The following PUS10 variants were observed in gnomAD, a reference collection of about 807,000 sequenced individuals.
PUS10 encodes the protein tRNA pseudouridine synthase Pus10.
Under a neutral mutation model 75.0 loss-of-function variants are expected in PUS10, and 59 were observed. That is an observed-to-expected ratio of 0.79 (90% CI 0.64 to 0.98). PUS10 has a LOEUF of 0.98. Among genes scored for constraint, PUS10 ranks in the 50% least tolerant of loss-of-function variants. PUS10 has a pLI of 0.00. For missense variants in PUS10, 650 were observed against 614.4 expected, an observed-to-expected ratio of 1.06 and a Z score of -0.61; for synonymous variants, 219 against 211.6, an observed-to-expected ratio of 1.03 and a Z score of -0.30.
intron 11 of PUS10, among the ~76,000 whole-genome samples, chr2:60,957,543 G>C (rs574476805): frequency 6.6e-6 from 1 of 152,350 alleles, no homozygotes; most frequent in South Asian, 2.1e-4. Context: ...CCAGATAATC[G>C]GCAGAACGTA....
intron 4 of PUS10, among the ~76,000 whole-genome samples, chr2:60,981,065 A>AT (rs954320404): frequency 1.9e-4 from 29 of 151,524 alleles, no homozygotes; most frequent in African/African-American, 6.8e-4. Context: ...TAATTTTTGT[A>AT]TTTTTTTAGT....
intron 4 of PUS10, among the ~76,000 whole-genome samples, chr2:60,977,185 C>T (rs1306893098): frequency 1.3e-5 from 2 of 151,872 alleles, no homozygotes; most frequent in East Asian, 3.9e-4. Flanking sequence ...TCATCTAGTA[C>T]CAAATAATGA....
chr2:61,018,163 A>T lies in PUS10; in HGVS notation c.-171T>A, dbSNP rs1467132390. The T allele has an allele frequency of 2.6e-6, 4 of 1,550,670 alleles. No homozygotes were observed. In the South Asian group the frequency reaches 4.8e-5, roughly 18 times the overall value. ...CCGCTTCTGTTTTCACTTTGACAGA[A>T]TGGCTTCTCTATCTTTAAAGCGTAG... On this transcript the variant is annotated 5_prime_UTR_variant, in exon 1 of 18. Transcript: ENST00000316752.
intron 4 of PUS10, among the ~76,000 whole-genome samples, chr2:60,987,444 GA>G (rs1038220677): frequency 5.3e-5 from 8 of 150,222 alleles, no homozygotes; most frequent in African/African-American, 2.0e-4. Flanking sequence ...GAGAGAGAGA[GA>G]AAAAAAAGGA....
intron 4 of PUS10, among the ~76,000 whole-genome samples, chr2:60,976,101 A>C (rs1677020040): frequency 6.6e-6 from 1 of 152,148 alleles, no homozygotes; most frequent in Admixed American, 6.5e-5. Context: ...ACATGTCCTT[A>C]TATATACAAA....
intron 1 of PUS10, chr2:61,017,427 C>G (rs564585284): frequency 8.5e-6 from 2 of 234,190 alleles, no homozygotes; most frequent in Non-Finnish European, 1.7e-5. Context: ...ACTCCCAGCC[C>G]GACTGGTCCA....
Position 61,006,542 on chromosome 2 carries a change from T to C in PUS10, c.468+15A>G, listed in dbSNP as rs772532093. 13 of 1,588,204 alleles carry C rather than the reference T, an allele frequency of 8.2e-6. No homozygotes were observed. Among genetic ancestry groups the C allele is most frequent in the Non-Finnish European group, 1.0e-5 (12 of 1,158,946 alleles). On this transcript the variant is annotated intron_variant, in intron 4 of 17. Coordinates refer to ENST00000316752, the MANE Select transcript of PUS10 (RefSeq NM_144709.4). ...TGCACTTCACATACAGTTTTATGCA[T>C]GCAAATGACCTTACCTCTCTTACAG... is the stretch of plus-strand genomic sequence containing the variant.
At chr2:60,977,818 C>T (rs1231400221) in intron 4 of PUS10, among the ~76,000 whole-genome samples, 1 of 152,126 alleles carries the variant, frequency 6.6e-6, no homozygotes, top group Non-Finnish European at 1.5e-5. Flanking sequence ...AAGGTGGCTT[C>T]TCTCTCTGGG....
intron 16 of PUS10, among the ~76,000 whole-genome samples, chr2:60,946,613 T>A (rs114682365): frequency 3.3e-5 from 5 of 152,348 alleles, no homozygotes; most frequent in Non-Finnish European, 7.3e-5. Flanking sequence ...CACTGGAGTC[T>A]AAATTGATCA....
chr2:60,970,477 T>C (rs1437915164), intron 5 of PUS10, among the ~76,000 whole-genome samples: 1 of 152,214 alleles, frequency 6.6e-6, no homozygotes, highest in Non-Finnish European at 1.5e-5. Context: ...TATGTTTTAG[T>C]TTCAAATGCC....
chr2:60,977,896 A>T (rs901038968), intron 4 of PUS10, among the ~76,000 whole-genome samples: 8 of 152,220 alleles, frequency 5.3e-5, no homozygotes, highest in Admixed American at 1.3e-4. Flanking sequence ...TGAGATTGCA[A>T]TTGAGAATGC....
At chr2:61,010,765 T>C (rs1312166921) in intron 2 of PUS10, 5 of 1,549,210 alleles carry the variant, frequency 3.2e-6, no homozygotes, top group Admixed American at 3.9e-5. Context: ...TTCAAATCCA[T>C]GTCTTCTAGT....
At position 61,014,835 on chromosome 2, in the gene PUS10, G is replaced by A. The variant is rs78588517; in HGVS notation, c.-15-2930C>T. The stretch of plus-strand genomic sequence containing the variant: ...TAAAGACGTGATTCTTCTAGTCTGC[G>A]TTTTCCAAACCTCTAAAACTTCCTA... On this transcript the variant is annotated intron_variant, in intron 1 of 17. Coordinates refer to ENST00000316752, the MANE Select transcript of PUS10 (RefSeq NM_144709.4). Among the ~76,000 whole-genome samples, 1,450 of 152,272 alleles carry A rather than the reference G, an allele frequency of 9.5e-3. 32 individuals are homozygous for A. The highest frequency in any genetic ancestry group is 0.033 in the African/African-American group (1,364 of 41,548).
intron 15 of PUS10, among the ~76,000 whole-genome samples, chr2:60,951,254 C>CA (rs1187331413): frequency 6.6e-6 from 1 of 152,106 alleles, no homozygotes; most frequent in East Asian, 1.9e-4. Flanking sequence ...CAGCAGTCCC[C>CA]AACCTTTTTG....
At chr2:61,014,176 C>G (rs536130382) in intron 1 of PUS10, among the ~76,000 whole-genome samples, 15 of 152,236 alleles carry the variant, frequency 9.9e-5, no homozygotes, top group African/African-American at 3.4e-4. Context: ...GAGTTTGAGA[C>G]CAGCCTGGCC....
At chr2:60,980,966 A>C (rs1677351417) in intron 4 of PUS10, among the ~76,000 whole-genome samples, 1 of 152,118 alleles carries the variant, frequency 6.6e-6, no homozygotes, top group South Asian at 2.1e-4. Context: ...ATCTCGTCTC[A>C]CTGCAACCTC....
chr2:60,972,783 G>A lies in PUS10; in HGVS notation c.469-1226C>T, dbSNP rs188002857. Among the ~76,000 whole-genome samples the A allele has an allele frequency of 6.9e-4, 105 of 152,338 alleles. 1 individual carries two copies. Among genetic ancestry groups the A allele is most frequent in the African/African-American group, 2.4e-3 (100 of 41,572 alleles). On this transcript the variant is annotated intron_variant, in intron 4 of 17. Coordinates refer to ENST00000316752, the MANE Select transcript of PUS10 (RefSeq NM_144709.4). Reference sequence around the variant, plus strand: ...TAGACCTGTCCTTCTAAACTAACAGGACTTCCTTCGGATGACCAGTAGGGT... The same window carrying A: ...TAGACCTGTCCTTCTAAACTAACAGAACTTCCTTCGGATGACCAGTAGGGT...
intron 4 of PUS10, among the ~76,000 whole-genome samples, chr2:60,991,092 T>C (rs1290578315): frequency 1.3e-5 from 2 of 152,148 alleles, no homozygotes; most frequent in Non-Finnish European, 2.9e-5. Flanking sequence ...TTGCCCAGGC[T>C]GGTCTCAAAC....
Position 61,018,032 on chromosome 2 carries a change from G to C in PUS10, c.-40C>G. The C allele has an allele frequency of 7.0e-7, 1 of 1,424,280 alleles. No homozygotes were observed. Among genetic ancestry groups the C allele is most frequent in the Admixed American group, 2.4e-5 (1 of 40,834 alleles). 88.2% of individuals were successfully genotyped at this position (1,424,280 alleles called of 1,614,324 possible). ...CCAGTGGGGACTTTAGTGTCTCACA[G>C]CTGTTTCTGACCCGGCAGCTCTAAT... On this transcript the variant is annotated 5_prime_UTR_variant, in exon 1 of 18. Coordinates refer to ENST00000316752, the MANE Select transcript of PUS10 (RefSeq NM_144709.4).
Sources: allele counts gnomAD v4.1 joint callset (sites outside exome capture counted in the v4.1 genomes callset), GRCh38; gene constraint gnomAD v4.1.1; transcripts MANE v1.5; gene names NCBI Gene and HGNC (gene_info 2026-07-23, HGNC 2026-07-21).